XIRP2: variants seen among roughly 807,000 people sequenced by gnomAD.
XIRP2 encodes the protein xin actin binding repeat containing 2, also known as xin actin-binding repeat-containing protein 2.
XIRP2 carries 236 observed loss-of-function variants against 277.0 expected under a neutral mutation model. The observed-to-expected ratio is 0.85, with a 90% CI of 0.77 to 0.95. The LOEUF (loss-of-function observed/expected upper bound fraction) is 0.95. Among genes scored for constraint, XIRP2 ranks in the 40% least tolerant of loss-of-function variants. XIRP2 has a pLI of 0.00. For missense variants in XIRP2, 4,640 were observed against 4,157.5 expected, an observed-to-expected ratio of 1.12 and a Z score of -3.19; for synonymous variants, 1,490 against 1,416.5, an observed-to-expected ratio of 1.05 and a Z score of -1.17.
At chr2:167,147,433 A>G (rs745870669) in intron 3 of XIRP2, among the ~76,000 whole-genome samples, 20 of 152,120 alleles carry the variant, frequency 1.3e-4, no homozygotes, top group Non-Finnish European at 2.4e-4. Context: ...TATGCCGACA[A>G]TGTGATTTAT....
At chr2:166,944,246 G>A (rs1279984185) in intron 2 of XIRP2, among the ~76,000 whole-genome samples, 1 of 152,130 alleles carries the variant, frequency 6.6e-6, no homozygotes, top group Non-Finnish European at 1.5e-5. Flanking sequence ...TTAGAAAACT[G>A]TCATTAGTCC....
intron 3 of XIRP2, among the ~76,000 whole-genome samples, chr2:167,186,229 G>A (rs1419422904): frequency 2.0e-5 from 3 of 152,132 alleles, no homozygotes; most frequent in Admixed American, 6.6e-5. Context: ...GAACACTCTT[G>A]TGGAGTATAT....
At chr2:166,981,515 G>T (rs539874391) in intron 2 of XIRP2, among the ~76,000 whole-genome samples, 2 of 151,792 alleles carry the variant, frequency 1.3e-5, no homozygotes, top group African/African-American at 2.4e-5. Flanking sequence ...TCCACCTCCC[G>T]GGTTCAAGCA....
At chr2:167,136,548 A>G (rs781660519) in intron 3 of XIRP2, among the ~76,000 whole-genome samples, 2 of 152,216 alleles carry the variant, frequency 1.3e-5, no homozygotes, top group Admixed American at 6.5e-5. Context: ...AGAGTGTTAC[A>G]TTTTAGACAG....
chr2:166,967,925 T>G (rs1315279626), intron 2 of XIRP2, among the ~76,000 whole-genome samples: 1 of 151,980 alleles, frequency 6.6e-6, no homozygotes, highest in African/African-American at 2.4e-5. Flanking sequence ...GTGAAATCCT[T>G]GTTCAATCAT....
chr2:166,956,058 T>G (rs1432915053), intron 2 of XIRP2, among the ~76,000 whole-genome samples: 1 of 151,884 alleles, frequency 6.6e-6, no homozygotes, highest in African/African-American at 2.4e-5. Context: ...TTTCATTATC[T>G]CTTTTCATCT....
At chr2:167,183,454 C>A (rs991316672) in intron 3 of XIRP2, among the ~76,000 whole-genome samples, 1 of 152,086 alleles carries the variant, frequency 6.6e-6, no homozygotes, top group Non-Finnish European at 1.5e-5. Context: ...AATATCCATA[C>A]CCATGCTTTC....
chr2:167,014,287 C>A (rs1687763638), intron 2 of XIRP2, among the ~76,000 whole-genome samples: 1 of 151,158 alleles, frequency 6.6e-6, no homozygotes, highest in Admixed American at 6.6e-5. Context: ...CCAGAATAAA[C>A]AAACAGAAAG....
At chr2:167,221,324 T>G (rs7556960) in intron 5 of XIRP2, among the ~76,000 whole-genome samples, 1 of 151,492 alleles carries the variant, frequency 6.6e-6, no homozygotes, top group Non-Finnish European at 1.5e-5. Context: ...ATTAGCCAGG[T>G]GTGGTGGCGT....
At chr2:166,955,068 T>A (rs529386612) in intron 2 of XIRP2, among the ~76,000 whole-genome samples, 1 of 151,930 alleles carries the variant, frequency 6.6e-6, no homozygotes, top group East Asian at 2.0e-4. Flanking sequence ...CCGGAACTTA[T>A]AAAATAAAAT....
At chr2:167,021,492 T>C (rs940556055) in intron 2 of XIRP2, among the ~76,000 whole-genome samples, 1 of 152,146 alleles carries the variant, frequency 6.6e-6, no homozygotes. Context: ...TATACTACTT[T>C]CAAGGTCAAT....
chr2:166,997,431 G>A (rs762338543), intron 2 of XIRP2, among the ~76,000 whole-genome samples: 5 of 152,158 alleles, frequency 3.3e-5, no homozygotes, highest in Non-Finnish European at 7.3e-5. Flanking sequence ...AGGTAGGTTA[G>A]TTGCTAAGAA....
intron 2 of XIRP2, among the ~76,000 whole-genome samples, chr2:167,057,236 A>G (rs549894510): frequency 4.9e-4 from 75 of 152,248 alleles, no homozygotes; most frequent in African/African-American, 1.6e-3. Flanking sequence ...GCAAGAAGCT[A>G]TTTTTCTCAG....
intron 2 of XIRP2, among the ~76,000 whole-genome samples, chr2:166,919,183 GTAT>G (rs1036106720): frequency 1.3e-5 from 2 of 152,048 alleles, no homozygotes; most frequent in African/African-American, 4.8e-5. Flanking sequence ...AATACTCACT[GTAT>G]TATATATGGG....
At chr2:167,182,878 C>T (rs893247024) in intron 3 of XIRP2, among the ~76,000 whole-genome samples, 1 of 151,918 alleles carries the variant, frequency 6.6e-6, no homozygotes, top group African/African-American at 2.4e-5. Context: ...AATTAATGAA[C>T]AAGAAAATAA....
chr2:167,225,305 A>T (rs1694560036), intron 5 of XIRP2, among the ~76,000 whole-genome samples: 1 of 152,166 alleles, frequency 6.6e-6, no homozygotes, highest in Non-Finnish European at 1.5e-5. Flanking sequence ...AAAGAGGAAG[A>T]GTTGAAGGGA....
intron 2 of XIRP2, among the ~76,000 whole-genome samples, chr2:167,008,230 C>A (rs1687559598): frequency 6.6e-6 from 1 of 151,506 alleles, no homozygotes; most frequent in African/African-American, 2.4e-5. Flanking sequence ...TCAAACAAAA[C>A]AAAATTTTTT....
chr2:167,106,332 C>A (rs1690616831), intron 2 of XIRP2, among the ~76,000 whole-genome samples: 1 of 151,636 alleles, frequency 6.6e-6, no homozygotes, highest in African/African-American at 2.4e-5. Context: ...GTGATCAATT[C>A]TTAGTTAATT....
intron 3 of XIRP2, among the ~76,000 whole-genome samples, chr2:167,137,646 G>T (rs937840193): frequency 2.6e-5 from 4 of 152,062 alleles, no homozygotes; most frequent in African/African-American, 9.7e-5. Flanking sequence ...AAAGTATTCT[G>T]GAGTGTAACC....
Sources: allele counts gnomAD v4.1 joint callset (sites outside exome capture counted in the v4.1 genomes callset), GRCh38; gene constraint gnomAD v4.1.1; transcripts MANE v1.5; gene names NCBI Gene and HGNC (gene_info 2026-07-23, HGNC 2026-07-21).